The following CNOT7 variants were observed in gnomAD, a reference collection of about 807,000 sequenced individuals.
CNOT7 encodes the protein CCR4-NOT transcription complex subunit 7, also known as BTG1-binding factor 1.
In CNOT7, 4 loss-of-function variants were observed where a neutral mutation model predicts 37.1. The observed-to-expected ratio is 0.11, with a 90% confidence interval of 0.05 to 0.25. CNOT7 has a LOEUF of 0.25. CNOT7 is among the 10% of genes least tolerant of loss of function. The pLI is 1.00. For missense variants in CNOT7, 170 were observed against 336.2 expected, an observed-to-expected ratio of 0.51 and a Z score of 3.87; for synonymous variants, 128 against 115.6, an observed-to-expected ratio of 1.11 and a Z score of -0.69.
At chr8:17,235,443 C>CA (rs1173287495) in intron 4 of CNOT7, among the ~76,000 whole-genome samples, 1 of 152,172 alleles carries the variant, frequency 6.6e-6, no homozygotes, top group Admixed American at 6.5e-5. Context: ...CTCTTCCTTT[C>CA]AGTGTGGCTC....
At position 17,229,918 on chromosome 8, in the gene CNOT7, GCTTC is replaced by G. The variant is rs1208152618; in HGVS notation, c.*798_*801del. On this transcript the variant is annotated 3_prime_UTR_variant, in exon 7 of 7. Coordinates refer to ENST00000361272, the MANE Select transcript of CNOT7 (RefSeq NM_013354.7). ...AGTGTGCTATCATAAAATAACTGTA[GCTTC>G]AACATCTTGAGTACCAGTTTCCTGG... 6.6e-6 allele frequency: 1 copy of G among 151,764 alleles called. No homozygotes were observed. Among genetic ancestry groups the G allele is most frequent in the Non-Finnish European group, 1.5e-5 (1 of 67,794 alleles). 9.4% of individuals were successfully genotyped at this position (151,764 alleles called of 1,614,324 possible).
At chr8:17,234,380 G>C (rs1198956166) in intron 5 of CNOT7, among the ~76,000 whole-genome samples, 1 of 152,180 alleles carries the variant, frequency 6.6e-6, no homozygotes, top group Non-Finnish European at 1.5e-5. Context: ...TTGGGAGAAA[G>C]TAACAACTCA....
At chr8:17,246,273 A>C (rs1811048291) in intron 1 of CNOT7, 1 of 152,290 alleles carries the variant, frequency 6.6e-6, no homozygotes, top group Non-Finnish European at 1.5e-5. Context: ...GAGAAACGAG[A>C]GGACGGCACC....
chr8:17,243,325 T>A, intron 2 of CNOT7, 140 bp from the exon 3 acceptor site: 1 of 682,654 alleles, frequency 1.5e-6, no homozygotes, highest in Non-Finnish European at 2.5e-6. Context: ...ATATTTTAAC[T>A]AGAAAGAACA....
At position 17,229,625 on chromosome 8, in the gene CNOT7, C is replaced by T. The variant is rs1306129410; in HGVS notation, c.*1095G>A. 6.6e-6 allele frequency: 1 copy of T among 151,238 alleles called. No homozygotes were observed. Among genetic ancestry groups the T allele is most frequent in the Non-Finnish European group, 1.5e-5 (1 of 67,612 alleles). The allele number at this position is 151,238 out of a possible 1,614,324, so 9.4% of individuals were successfully genotyped here. Reference sequence around the variant, plus strand: ...CATTACACTCCTCAGGTAATTTTATCAGCTATATATATATATATGAGAATA... The same window carrying T: ...CATTACACTCCTCAGGTAATTTTATTAGCTATATATATATATATGAGAATA... On this transcript the variant is annotated 3_prime_UTR_variant, in exon 7 of 7. Coordinates refer to ENST00000361272, the MANE Select transcript of CNOT7 (RefSeq NM_013354.7).
chr8:17,225,102 T>C lies in CNOT7; in HGVS notation c.*5618A>G, dbSNP rs376873879. The stretch of plus-strand genomic sequence containing the variant: ...TGAAACAGTTCCCCATTAAAAGCAC[T>C]TAAAACCTATGACATGGCTAGTAAG... On this transcript the variant is annotated 3_prime_UTR_variant, in exon 7 of 7. Coordinates refer to ENST00000361272, the MANE Select transcript of CNOT7 (RefSeq NM_013354.7). 9 of 151,842 alleles carry C rather than the reference T, an allele frequency of 5.9e-5. No individual in the cohort carries two copies. The highest frequency in any genetic ancestry group is 2.2e-4 in the African/African-American group (9 of 41,528). The allele number at this position is 151,842 out of a possible 1,614,324, so 9.4% of individuals were successfully genotyped here. A position where few individuals can be genotyped will look rare whatever the true frequency, so the allele number is the denominator to read the frequency against.
chr8:17,234,643 C>G (rs772734436), intron 5 of CNOT7, 73 bp downstream of exon 5: 22 of 1,467,290 alleles, frequency 1.5e-5, no homozygotes, highest in Non-Finnish European at 2.1e-5. Context: ...AACAACATCC[C>G]AGCCTAGGCT....
intron 2 of CNOT7, chr8:17,243,428 A>T (rs1810461777): frequency 1.6e-6 from 1 of 626,816 alleles, no homozygotes; most frequent in Non-Finnish European, 2.9e-6. Flanking sequence ...TGATAAATTT[A>T]ACCAAATACT....
At position 17,230,643 on chromosome 8, in the gene CNOT7, G is replaced by C. The variant is rs749348084; in HGVS notation, c.*77C>G. On this transcript the variant is annotated 3_prime_UTR_variant, in exon 7 of 7. Transcript: ENST00000361272. ...GGGGGAAAGGTACTGTCTATTGTTC[G>C]AGGGATTCAACCAGAGATAAAACCT... 2 of 1,294,954 alleles carry C rather than the reference G, an allele frequency of 1.5e-6. No individual in the cohort carries two copies. The highest frequency in any genetic ancestry group is 1.5e-5 in the African/African-American group (1 of 65,924). The allele number at this position is 1,294,954 out of a possible 1,614,324, so 80.2% of individuals were successfully genotyped here.
rs1357582337 is a variant in CNOT7 at position 17,226,207 on chromosome 8, AAT to A, written c.*4511_*4512del. On this transcript the variant is annotated 3_prime_UTR_variant, in exon 7 of 7. Coordinates refer to ENST00000361272, the MANE Select transcript of CNOT7 (RefSeq NM_013354.7). Reference sequence around the variant, plus strand: ...TACAATTTTTTTTTCTTTTTTTAGTAATAGAGTTCTACTAATGGGAATAATGG... The same window carrying A: ...TACAATTTTTTTTTCTTTTTTTAGTAAGAGTTCTACTAATGGGAATAATGG... 1 of 151,148 alleles carries A rather than the reference AAT, an allele frequency of 6.6e-6. No individual in the cohort carries two copies. The highest frequency in any genetic ancestry group is 1.5e-5 in the Non-Finnish European group (1 of 67,504). The allele number at this position is 151,148 out of a possible 1,614,324, so 9.4% of individuals were successfully genotyped here.
intron 1 of CNOT7, among the ~76,000 whole-genome samples, 177 bp from the exon 2 acceptor site, chr8:17,245,424 C>G (rs577774652): frequency 4.5e-4 from 68 of 152,026 alleles, no homozygotes; most frequent in Middle Eastern, 3.4e-3. Context: ...AAAAAAAGGA[C>G]TACAGTACAG....
chr8:17,233,782 T>C (rs1457457549), intron 5 of CNOT7, among the ~76,000 whole-genome samples: 1 of 152,244 alleles, frequency 6.6e-6, no homozygotes, highest in Admixed American at 6.5e-5. Context: ...TCTAGTCATA[T>C]GCTGACCATA....
chr8:17,233,442 C>T (rs1365679867), intron 5 of CNOT7, among the ~76,000 whole-genome samples: 1 of 152,148 alleles, frequency 6.6e-6, no homozygotes, highest in Admixed American at 6.5e-5. Flanking sequence ...GACTATAGGT[C>T]AAAAAGCACC....
At chr8:17,233,935 T>A (rs999538244) in intron 5 of CNOT7, among the ~76,000 whole-genome samples, 2 of 152,158 alleles carry the variant, frequency 1.3e-5, no homozygotes, top group Non-Finnish European at 2.9e-5. Flanking sequence ...CACCTGTTAA[T>A]TCCAGCTACA....
intron 5 of CNOT7, among the ~76,000 whole-genome samples, chr8:17,232,876 GTAA>G (rs1218629175): frequency 6.6e-6 from 1 of 152,070 alleles, no homozygotes; most frequent in African/African-American, 2.4e-5. Context: ...TATCAATCCA[GTAA>G]TAATTATAAA....
chr8:17,236,667 TA>T (rs1809404324), intron 4 of CNOT7, among the ~76,000 whole-genome samples: 1 of 152,204 alleles, frequency 6.6e-6, no homozygotes, highest in Non-Finnish European at 1.5e-5. Context: ...TGTTTTGAGA[TA>T]GTACTTATCA....
At position 17,246,800 on chromosome 8, in the gene CNOT7, C is replaced by T. The variant is rs1382373853; in HGVS notation, c.-221G>A. The T allele has an allele frequency of 1.5e-5, 3 of 206,458 alleles. No individual in the cohort carries two copies. Among genetic ancestry groups the T allele is most frequent in the South Asian group, 5.9e-5 (1 of 16,836 alleles). The allele number at this position is 206,458 out of a possible 1,614,324, so 12.8% of individuals were successfully genotyped here. A position where few individuals can be genotyped will look rare whatever the true frequency, so the allele number is the denominator to read the frequency against. Reference sequence around the variant, plus strand: ...TGCCCCATAGACACCTCTCGCCCAGCGAAGGGAAAGGCGAGCAGGAGCTGC... The same window carrying T: ...TGCCCCATAGACACCTCTCGCCCAGTGAAGGGAAAGGCGAGCAGGAGCTGC... On this transcript the variant is annotated 5_prime_UTR_variant, in exon 1 of 7. Transcript: ENST00000361272.
intron 3 of CNOT7, chr8:17,241,538 AG>A (rs2151000291): frequency 6.6e-6 from 1 of 152,336 alleles, no homozygotes; most frequent in East Asian, 1.9e-4. Flanking sequence ...GACAAAGAAC[AG>A]GAAGAAAGAA....
intron 3 of CNOT7, chr8:17,241,295 T>C (rs12544961): frequency 7.3e-6 from 1 of 136,680 alleles, no homozygotes; most frequent in Non-Finnish European, 1.7e-5. Context: ...TTTTTTTTTG[T>C]AGAGACAGAG....
Sources: gnomAD v4.1 joint callset for allele counts (sites outside exome capture counted in the v4.1 genomes callset) on GRCh38, gnomAD v4.1.1 for gene constraint, MANE v1.5 for transcripts, NCBI Gene and HGNC (gene_info 2026-07-23, HGNC 2026-07-21) for gene names.